Variants in TBL1X observed in about 807,000 individuals in gnomAD.
The protein encoded by TBL1X is F-box-like/WD repeat-containing protein TBL1X.
Under a neutral mutation model 50.7 loss-of-function variants are expected in TBL1X, and 10 were observed. That is an observed-to-expected ratio of 0.20 (90% CI 0.12 to 0.33). The LOEUF is 0.33. Ranked by LOEUF, TBL1X falls within the 10% of genes least tolerant of loss-of-function variation. The pLI is 1.00. For synonymous variants in TBL1X, 190 were observed against 214.7 expected (o/e 0.88, Z 1.01); for missense variants, 340 against 504.4 (o/e 0.67, Z 3.12).
chrX:9,619,884 T>C (rs1378317916), intron 2 of TBL1X, among the ~76,000 whole-genome samples: 1 of 112,380 alleles, frequency 8.9e-6, no homozygotes, highest in African/African-American at 3.2e-5. Flanking sequence ...TCCCTGCTGC[T>C]GTGCACACGT....
chrX:9,582,888 C>T (rs1173878389), intron 2 of TBL1X, among the ~76,000 whole-genome samples: 3 of 112,343 alleles, frequency 2.7e-5, no homozygotes, highest in Non-Finnish European at 3.8e-5. Context: ...CCACTGTTAG[C>T]GTGTCACGAG....
chrX:9,472,197 T>C (rs2081819531), intron 1 of TBL1X, among the ~76,000 whole-genome samples: 1 of 112,170 alleles, frequency 8.9e-6, no homozygotes, highest in African/African-American at 3.2e-5. Context: ...TGTCTGAATT[T>C]CCTGATAGAA....
rs112431017 is a variant in TBL1X at position 9,486,239 on chromosome X, C to CTT, written c.-200-15530_-200-15529dup. On this transcript the variant is annotated intron_variant, in intron 1 of 17. Coordinates refer to ENST00000645353, the MANE Select transcript of TBL1X (RefSeq NM_005647.4). The stretch of plus-strand genomic sequence containing the variant: ...GGACATTTTTTTCTATTGATAATAG[C>CTT]TTTTTTTTTTTTATTATTGAGACAA... Among the ~76,000 whole-genome samples, 504 of 101,681 alleles carry CTT rather than the reference C, an allele frequency of 5.0e-3. 5 individuals are homozygous for CTT. Among genetic ancestry groups the CTT allele is most frequent in the African/African-American group, 0.016 (458 of 27,821 alleles). The allele number at this position is 101,681 out of a possible 115,157, so 88.3% of individuals were successfully genotyped here.
intron 1 of TBL1X, among the ~76,000 whole-genome samples, chrX:9,483,935 C>T (rs1400723463): frequency 1.8e-5 from 2 of 112,316 alleles, no homozygotes; most frequent in African/African-American, 3.2e-5. Flanking sequence ...ATCTGCTTTC[C>T]TTATTTTTGT....
At chrX:9,555,527 C>T (rs749837945) in intron 2 of TBL1X, among the ~76,000 whole-genome samples, 3 of 111,721 alleles carry the variant, frequency 2.7e-5, no homozygotes, top group Middle Eastern at 4.6e-3. Flanking sequence ...TGTTTACATG[C>T]ACATATGCTT....
chrX:9,604,751 C>T (rs929676162), intron 2 of TBL1X, among the ~76,000 whole-genome samples: 1 of 111,022 alleles, frequency 9.0e-6, no homozygotes, highest in African/African-American at 3.3e-5. Context: ...CTGATTCAAC[C>T]ATTGAACATT....
chrX:9,577,570 C>A (rs1203900214), intron 2 of TBL1X, among the ~76,000 whole-genome samples: 2 of 112,199 alleles, frequency 1.8e-5, no homozygotes, highest in Non-Finnish European at 3.8e-5. Flanking sequence ...GTGCTTCTGG[C>A]ATCTGGTGAG....
intron 2 of TBL1X, among the ~76,000 whole-genome samples, chrX:9,627,321 C>G (rs1248018460): frequency 9.0e-6 from 1 of 111,648 alleles, no homozygotes; most frequent in African/African-American, 3.3e-5. Context: ...AAGTGTTGAT[C>G]TAAGAATCTA....
At chrX:9,499,365 G>C (rs192577329) in intron 1 of TBL1X, among the ~76,000 whole-genome samples, 18 of 111,769 alleles carry the variant, frequency 1.6e-4, no homozygotes, top group African/African-American at 5.9e-4. Context: ...TTACAGGGAG[G>C]GGAAAGACAA....
chrX:9,697,231 C>T (rs1234296906), intron 11 of TBL1X, 138 bp from the exon 12 acceptor site: 3 of 742,229 alleles, frequency 4.0e-6, no homozygotes, highest in Non-Finnish European at 5.8e-6. Context: ...GAAACTAGCC[C>T]ATAAGGCTCA....
intron 2 of TBL1X, among the ~76,000 whole-genome samples, chrX:9,577,614 T>G (rs1008011384): frequency 8.9e-6 from 1 of 112,174 alleles, no homozygotes; most frequent in African/African-American, 3.2e-5. Context: ...CATCCCACAG[T>G]GCACAGGACG....
At chrX:9,562,759 GAA>G (rs34526953) in intron 2 of TBL1X, among the ~76,000 whole-genome samples, 5,396 of 102,642 alleles carry the variant, frequency 0.053, 343 homozygotes, top group African/African-American at 0.18. Context: ...CTTCAAAGCA[GAA>G]AAAAAAAAAA....
intron 11 of TBL1X, among the ~76,000 whole-genome samples, chrX:9,693,938 G>C (rs1465071310): frequency 8.9e-6 from 1 of 111,893 alleles, no homozygotes; most frequent in African/African-American, 3.3e-5. Context: ...GACTTGCTCT[G>C]CACCTGGGCA....
At chrX:9,521,266 C>G (rs1053920539) in intron 2 of TBL1X, among the ~76,000 whole-genome samples, 1 of 111,370 alleles carries the variant, frequency 9.0e-6, no homozygotes, top group African/African-American at 3.3e-5. Flanking sequence ...GATGATTTCT[C>G]TTAAAAAGTT....
At chrX:9,518,259 AC>A (rs2082090535) in intron 2 of TBL1X, among the ~76,000 whole-genome samples, 1 of 112,140 alleles carries the variant, frequency 8.9e-6, no homozygotes, top group Non-Finnish European at 1.9e-5. Context: ...AACCATGGCA[AC>A]AGACACTGTC....
intron 17 of TBL1X, among the ~76,000 whole-genome samples, chrX:9,715,817 G>T (rs1159259799): frequency 1.0e-5 from 1 of 98,682 alleles, no homozygotes; most frequent in Non-Finnish European, 2.0e-5. Flanking sequence ...ACTTGAGGTT[G>T]CCCTGACCTC....
intron 6 of TBL1X, among the ~76,000 whole-genome samples, chrX:9,685,234 C>A (rs2083050424): frequency 8.9e-6 from 1 of 112,038 alleles, no homozygotes; most frequent in East Asian, 2.8e-4. Flanking sequence ...CAGTGAAGAT[C>A]CCCTTGACTT....
chrX:9,583,698 T>C (rs1309491404), intron 2 of TBL1X, among the ~76,000 whole-genome samples: 1 of 112,293 alleles, frequency 8.9e-6, no homozygotes, highest in Admixed American at 9.4e-5. Flanking sequence ...ACCTCTTAGA[T>C]TGTTGTGAAG....
At chrX:9,684,255 A>C (rs1247461964) in intron 6 of TBL1X, 67 bp downstream of exon 6, 2 of 1,165,028 alleles carry the variant, frequency 1.7e-6, no homozygotes, top group Non-Finnish European at 2.3e-6. Flanking sequence ...CTTGGAACAC[A>C]TTGGAAGCTA....
Sources: gnomAD v4.1 joint callset for allele counts (sites outside exome capture counted in the v4.1 genomes callset) on GRCh38, gnomAD v4.1.1 for gene constraint, MANE v1.5 for transcripts, NCBI Gene and HGNC (gene_info 2026-07-23, HGNC 2026-07-21) for gene names.